The following SUPT3H variants were observed in gnomAD, a reference collection of about 807,000 sequenced individuals.
SUPT3H encodes transcription initiation protein SPT3 homolog.
A neutral mutation model predicts 44.3 loss-of-function variants in SUPT3H; 44 were observed. The observed-to-expected ratio is 0.99, with a 90% CI of 0.78 to 1.28. The LOEUF is 1.28. SUPT3H is among the 50% of genes most tolerant of loss of function. The pLI, the probability that SUPT3H is intolerant of heterozygous loss-of-function variation, is 0.00. For missense variants in SUPT3H, 380 were observed against 387.1 expected (o/e 0.98, Z 0.15); for synonymous variants, 124 against 125.6 (o/e 0.99, Z 0.09).
chr6:45,105,941 T>C lies in SUPT3H; in HGVS notation c.167A>G (p.His56Arg). 1 of 1,613,558 alleles carries C rather than the reference T, an allele frequency of 6.2e-7. No individual in the cohort carries two copies. The highest frequency in any genetic ancestry group is 1.3e-5 in the African/African-American group (1 of 75,040). The change falls in exon 3 of 11, where the codon CAC (histidine) becomes CGC (arginine). Residue 56 changes from histidine (H) to arginine (R), a missense_variant. Coordinates refer to ENST00000371459, the MANE Select transcript of SUPT3H (RefSeq NM_003599.4). ...ETAVLVEDVV[H>R]TQLINLLQQA... ...TCTTACCAGATTAATTAACTGAGTGTGTACCACATCTTCTACCAAAACTGC... is the reference window on the plus strand; with the variant it reads ...TCTTACCAGATTAATTAACTGAGTGCGTACCACATCTTCTACCAAAACTGC...
At chr6:44,949,851 T>A (rs1472553989) in intron 9 of SUPT3H, among the ~76,000 whole-genome samples, 1 of 152,196 alleles carries the variant, frequency 6.6e-6, no homozygotes, top group Admixed American at 6.5e-5. Context: ...TATAAAATGG[T>A]ACAACCTGTT....
At chr6:45,046,636 T>C (rs1310560967) in intron 3 of SUPT3H, among the ~76,000 whole-genome samples, 1 of 152,212 alleles carries the variant, frequency 6.6e-6, no homozygotes, top group Non-Finnish European at 1.5e-5. Context: ...CAGCCCATAC[T>C]GCTTTACTAT....
intron 9 of SUPT3H, among the ~76,000 whole-genome samples, chr6:44,948,915 T>C (rs934651273): frequency 2.0e-4 from 31 of 152,148 alleles, no homozygotes; most frequent in African/African-American, 6.0e-4. Flanking sequence ...GATTATAAAT[T>C]ATGTTGCTAT....
At chr6:45,183,088 T>C (rs1813569544) in intron 2 of SUPT3H, among the ~76,000 whole-genome samples, 1 of 152,114 alleles carries the variant, frequency 6.6e-6, no homozygotes, top group South Asian at 2.1e-4. Flanking sequence ...TGTCAAAAGG[T>C]GAATGGATAA....
chr6:44,974,026 C>T (rs1777967793), intron 6 of SUPT3H, among the ~76,000 whole-genome samples: 1 of 152,120 alleles, frequency 6.6e-6, no homozygotes, highest in African/African-American at 2.4e-5. Context: ...TAACAGACTC[C>T]TAATGAGTCT....
intron 6 of SUPT3H, among the ~76,000 whole-genome samples, chr6:44,965,264 G>A (rs1019311345): frequency 6.6e-6 from 1 of 152,166 alleles, no homozygotes; most frequent in African/African-American, 2.4e-5. Flanking sequence ...CTCTCTGGAT[G>A]CTGAACGAAG....
intron 6 of SUPT3H, among the ~76,000 whole-genome samples, chr6:44,975,834 A>G (rs1344157324): frequency 6.6e-6 from 1 of 152,192 alleles, no homozygotes; most frequent in Admixed American, 6.5e-5. Context: ...TGAGCTCATT[A>G]TTAAAAAAAA....
At chr6:44,824,504 T>A (rs1226900747), downstream of SUPT3H, among the ~76,000 whole-genome samples, 3 of 151,746 alleles carry the variant, frequency 2.0e-5, no homozygotes, top group East Asian at 1.9e-4. Flanking sequence ...AAAAAAAAAA[T>A]TCAGAAAAGA....
At chr6:45,322,769 T>A in intron 2 of SUPT3H, 2 of 756,740 alleles carry the variant, frequency 2.6e-6, no homozygotes, top group Non-Finnish European at 4.6e-6. Context: ...CTACAATAAC[T>A]ATTTTAAAGG....
intron 10 of SUPT3H, among the ~76,000 whole-genome samples, chr6:44,835,829 TATGCCAAGTTGTCTCA>T (rs553763084): frequency 6.6e-6 from 1 of 152,200 alleles, no homozygotes; most frequent in African/African-American, 2.4e-5. Context: ...GAAGAGAGAC[TATGCCAAGTTGTCTCA>T]AACTTAGGTT....
intron 3 of SUPT3H, among the ~76,000 whole-genome samples, chr6:45,074,806 T>C (rs774818822): frequency 6.6e-6 from 1 of 152,098 alleles, no homozygotes; most frequent in African/African-American, 2.4e-5. Context: ...CTTTTTCTGT[T>C]AATCTTATGT....
intron 2 of SUPT3H, among the ~76,000 whole-genome samples, chr6:45,286,278 A>G (rs1321002852): frequency 5.9e-5 from 9 of 152,254 alleles, no homozygotes; most frequent in South Asian, 4.1e-4. Flanking sequence ...CTTCTGCACA[A>G]CAAAAGAATC....
At chr6:45,100,097 AT>A (rs1426711121) in intron 3 of SUPT3H, among the ~76,000 whole-genome samples, 1 of 152,212 alleles carries the variant, frequency 6.6e-6, no homozygotes, top group Non-Finnish European at 1.5e-5. Flanking sequence ...CTCAAAATGA[AT>A]TAAAGACTTA....
chr6:45,079,083 G>A lies in SUPT3H; in HGVS notation c.186+26839C>T, dbSNP rs111767642. 9.0e-3 allele frequency among the ~76,000 whole-genome samples: 1,377 copies of A among 152,218 alleles called. 14 individuals carry two copies. The highest frequency in any genetic ancestry group is 0.028 in the South Asian group (137 of 4,826). On this transcript the variant is annotated intron_variant, in intron 3 of 10. Coordinates refer to ENST00000371459, the MANE Select transcript of SUPT3H (RefSeq NM_003599.4). The stretch of plus-strand genomic sequence containing the variant: ...CCCAGCACTTTGGGAGGCCGAGGCT[G>A]GTGGATCACTAGGTAAGGAGATCGA...
intron 6 of SUPT3H, among the ~76,000 whole-genome samples, chr6:44,970,174 T>C (rs898923874): frequency 8.5e-5 from 13 of 152,150 alleles, no homozygotes; most frequent in African/African-American, 2.9e-4. Flanking sequence ...TAATTGGTTA[T>C]ATAATGAAAA....
chr6:45,100,541 T>TAAAAAAAA (rs58120512), intron 3 of SUPT3H, among the ~76,000 whole-genome samples: 6,628 of 33,144 alleles, frequency 0.2, 1,394 homozygotes, highest in East Asian at 0.41. Flanking sequence ...ACCCTGTACT[T>TAAAAAAAA]AAAAAAAAAA....
chr6:45,127,707 A>G (rs1802655105), intron 2 of SUPT3H, among the ~76,000 whole-genome samples: 1 of 152,026 alleles, frequency 6.6e-6, no homozygotes, highest in Admixed American at 6.5e-5. Flanking sequence ...TATCTCGCTG[A>G]TTTCTACTCT....
chr6:44,815,136 G>A (rs1265307076), intron 11 of SUPT3H, among the ~76,000 whole-genome samples: 1 of 152,050 alleles, frequency 6.6e-6, no homozygotes, highest in Non-Finnish European at 1.5e-5. Flanking sequence ...TAGTCTCAAC[G>A]TTAAAGGACT....
intron 6 of SUPT3H, among the ~76,000 whole-genome samples, chr6:44,987,071 T>C (rs1202361192): frequency 6.6e-6 from 1 of 152,176 alleles, no homozygotes; most frequent in Non-Finnish European, 1.5e-5. Flanking sequence ...ACTCTGGTTC[T>C]GGTGAGGGCT....
Sources: gnomAD v4.1 joint callset for allele counts (sites outside exome capture counted in the v4.1 genomes callset) on GRCh38, gnomAD v4.1.1 for gene constraint, MANE v1.5 for transcripts, NCBI Gene and HGNC (gene_info 2026-07-23, HGNC 2026-07-21) for gene names.